Variants in MAST4 observed in about 807,000 individuals in gnomAD.
MAST4 encodes the protein microtubule-associated serine/threonine-protein kinase 4.
In MAST4, 89 loss-of-function variants were observed where a neutral mutation model predicts 162.7. The observed-to-expected ratio is 0.55, with a 90% confidence interval of 0.46 to 0.65. The LOEUF is 0.65. Among genes scored for constraint, MAST4 ranks in the 30% least tolerant of loss-of-function variants. The pLI, the probability that MAST4 is intolerant of heterozygous loss-of-function variation, is 0.00. For missense variants in MAST4, 3,153 were observed against 3,374.0 expected (o/e 0.93, Z 1.62); for synonymous variants, 1,479 against 1,361.1 (o/e 1.09, Z -1.91).
At chr5:66,723,954 A>G (rs1486081494) in intron 1 of MAST4, among the ~76,000 whole-genome samples, 3 of 151,910 alleles carry the variant, frequency 2.0e-5, no homozygotes, top group African/African-American at 7.3e-5. Flanking sequence ...ACCTCACTAT[A>G]CCCCCACCCC....
intron 1 of MAST4, among the ~76,000 whole-genome samples, chr5:66,608,614 C>A (rs1470397437): frequency 6.6e-6 from 1 of 151,956 alleles, no homozygotes; most frequent in Non-Finnish European, 1.5e-5. Context: ...GAGTTTGACT[C>A]CAGAGGACAT....
intron 3 of MAST4, among the ~76,000 whole-genome samples, chr5:66,861,018 T>A (rs1379516308): frequency 6.6e-6 from 1 of 152,210 alleles, no homozygotes; most frequent in Non-Finnish European, 1.5e-5. Context: ...GCTCCTAGTC[T>A]GGAGTTACTG....
chr5:66,925,679 CTAGGGG>C (rs1294999755), intron 4 of MAST4, among the ~76,000 whole-genome samples: 2 of 152,020 alleles, frequency 1.3e-5, no homozygotes, highest in Non-Finnish European at 2.9e-5. Context: ...TGGAGGCTCC[CTAGGGG>C]TAAGAAGTTT....
intron 1 of MAST4, among the ~76,000 whole-genome samples, chr5:66,758,589 T>C (rs372910084): frequency 1.9e-3 from 287 of 152,118 alleles, no homozygotes; most frequent in Non-Finnish European, 3.2e-3. Context: ...GCCTGTGCAA[T>C]GACTTTGAAT....
At chr5:66,886,158 T>C (rs1252133434) in intron 3 of MAST4, among the ~76,000 whole-genome samples, 1 of 152,226 alleles carries the variant, frequency 6.6e-6, no homozygotes, top group Non-Finnish European at 1.5e-5. Context: ...CTCTGCCACC[T>C]CAACATTTTC....
At chr5:66,772,224 A>G (rs1204958346) in intron 2 of MAST4, among the ~76,000 whole-genome samples, 1 of 152,162 alleles carries the variant, frequency 6.6e-6, no homozygotes, top group Admixed American at 6.5e-5. Flanking sequence ...GGTGGGTGGT[A>G]CCATTTCACA....
At chr5:66,896,806 A>G (rs1400130913) in intron 3 of MAST4, among the ~76,000 whole-genome samples, 2 of 152,178 alleles carry the variant, frequency 1.3e-5, no homozygotes. Flanking sequence ...AAGGAGCAGG[A>G]TCATTTACGC....
chr5:67,065,144 T>A (rs1249815933), intron 5 of MAST4, among the ~76,000 whole-genome samples: 1 of 152,166 alleles, frequency 6.6e-6, no homozygotes, highest in Non-Finnish European at 1.5e-5. Context: ...CATCTGCTAG[T>A]TGAAAATGAG....
intron 1 of MAST4, among the ~76,000 whole-genome samples, chr5:66,695,606 G>A (rs1490706412): frequency 6.6e-6 from 1 of 152,032 alleles, no homozygotes; most frequent in African/African-American, 2.4e-5. Context: ...ATTACTTTGG[G>A]CAGTATGGCC....
chr5:67,119,248 G>A (rs972802920), intron 13 of MAST4, among the ~76,000 whole-genome samples: 1 of 151,890 alleles, frequency 6.6e-6, no homozygotes, highest in Non-Finnish European at 1.5e-5. Context: ...GTTATGGCTT[G>A]AAAAAAAATC....
chr5:67,107,675 A>AT (rs368504513), intron 10 of MAST4, among the ~76,000 whole-genome samples: 1 of 152,070 alleles, frequency 6.6e-6, no homozygotes, highest in East Asian at 1.9e-4. Flanking sequence ...TCTCCTAACC[A>AT]TTTTTCCCAT....
At chr5:66,974,249 T>C (rs1747834460) in intron 4 of MAST4, among the ~76,000 whole-genome samples, 2 of 152,244 alleles carry the variant, frequency 1.3e-5, no homozygotes, top group South Asian at 4.1e-4. Context: ...ACCTACAAAT[T>C]ACAAGGGATT....
intron 1 of MAST4, among the ~76,000 whole-genome samples, chr5:66,740,625 A>G (rs774581033): frequency 2.0e-5 from 3 of 152,146 alleles, no homozygotes; most frequent in East Asian, 1.9e-4. Flanking sequence ...GGAGGCTTAC[A>G]TAAATGTGGA....
chr5:66,939,081 C>T (rs888775025), intron 4 of MAST4, among the ~76,000 whole-genome samples: 25 of 151,810 alleles, frequency 1.6e-4, no homozygotes, highest in African/African-American at 5.3e-4. Context: ...AACATATGGA[C>T]TTAAAAATAC....
intron 4 of MAST4, among the ~76,000 whole-genome samples, chr5:66,997,425 T>C (rs1027202257): frequency 6.7e-6 from 1 of 150,296 alleles, no homozygotes; most frequent in African/African-American, 2.5e-5. Flanking sequence ...GTGTTTTTTT[T>C]CTTTTCTCTT....
At chr5:67,023,385 G>T (rs2150397202) in intron 4 of MAST4, among the ~76,000 whole-genome samples, 1 of 152,212 alleles carries the variant, frequency 6.6e-6, no homozygotes, top group Middle Eastern at 3.4e-3. Flanking sequence ...ACATTTTTAG[G>T]AGAATCTTTG....
intron 1 of MAST4, among the ~76,000 whole-genome samples, chr5:66,741,688 A>G (rs895981907): frequency 6.6e-6 from 1 of 152,126 alleles, no homozygotes; most frequent in African/African-American, 2.4e-5. Context: ...AGGTGACTGT[A>G]ACCTTTAGAG....
intron 4 of MAST4, among the ~76,000 whole-genome samples, chr5:66,956,324 T>C (rs1222926273): frequency 6.6e-6 from 1 of 152,200 alleles, no homozygotes. Context: ...GCTGGAGTCT[T>C]TTTGGTAAGA....
chr5:67,091,880 G>A (rs190481539), intron 6 of MAST4, among the ~76,000 whole-genome samples: 40 of 152,234 alleles, frequency 2.6e-4, no homozygotes, highest in Middle Eastern at 6.8e-3. Flanking sequence ...GAGACCTCTA[G>A]TTCATTTTGC....
Sources: allele counts gnomAD v4.1 joint callset (sites outside exome capture counted in the v4.1 genomes callset), GRCh38; gene constraint gnomAD v4.1.1; transcripts MANE v1.5; gene names NCBI Gene and HGNC (gene_info 2026-07-23, HGNC 2026-07-21).